The following USP49 variants were observed in gnomAD, a reference collection of about 807,000 sequenced individuals.
USP49 encodes the protein ubiquitin carboxyl-terminal hydrolase 49.
In USP49, 24 loss-of-function variants were observed where a neutral mutation model predicts 58.6. The observed-to-expected ratio is 0.41, with a 90% CI of 0.30 to 0.58. The LOEUF (loss-of-function observed/expected upper bound fraction) is 0.58, where lower values mean the gene tolerates loss of function less well. USP49 is among the 20% of genes least tolerant of loss of function. USP49 has a pLI of 0.30. For missense variants in USP49, 703 were observed against 866.1 expected, an observed-to-expected ratio of 0.81 and a Z score of 2.36; for synonymous variants, 408 against 365.1, an observed-to-expected ratio of 1.12 and a Z score of -1.34.
At chr6:41,796,823 G>C (rs1772894234) in intron 7 of USP49, 100 bp from the exon 8 acceptor site, 1 of 641,250 alleles carries the variant, frequency 1.6e-6, no homozygotes, top group Non-Finnish European at 2.8e-6. Flanking sequence ...GAGAAGTTCT[G>C]AATAGAGCCA....
chr6:41,885,513 G>A (rs1357067783), intron 2 of USP49, among the ~76,000 whole-genome samples: 4 of 152,088 alleles, frequency 2.6e-5, no homozygotes, highest in South Asian at 2.1e-4. Context: ...GAGTGTCAGC[G>A]CACAATCATA....
intron 3 of USP49, among the ~76,000 whole-genome samples, chr6:41,867,776 A>C (rs958130946): frequency 6.6e-5 from 10 of 151,880 alleles, no homozygotes; most frequent in Admixed American, 1.3e-4. Context: ...CAAAAACCAA[A>C]CAAACAAACA....
At chr6:41,885,814 G>T (rs1175710245) in intron 2 of USP49, among the ~76,000 whole-genome samples, 3 of 151,936 alleles carry the variant, frequency 2.0e-5, no homozygotes, top group African/African-American at 7.3e-5. Flanking sequence ...AAAAGAGAGA[G>T]TCTCCCACCT....
At chr6:41,816,849 C>T (rs983491079) in intron 3 of USP49, among the ~76,000 whole-genome samples, 5 of 151,840 alleles carry the variant, frequency 3.3e-5, no homozygotes, top group Middle Eastern at 6.8e-3. Flanking sequence ...GAAGCACAGG[C>T]GCGCACCACC....
At chr6:41,835,558 C>CA (rs1160955658) in intron 3 of USP49, among the ~76,000 whole-genome samples, 1 of 151,512 alleles carries the variant, frequency 6.6e-6, no homozygotes, top group African/African-American at 2.4e-5. Flanking sequence ...CAAAAAAATA[C>CA]AAAAAATTAG....
At chr6:41,817,309 A>T (rs1773372486) in intron 3 of USP49, among the ~76,000 whole-genome samples, 2 of 142,618 alleles carry the variant, frequency 1.4e-5, no homozygotes, top group Admixed American at 1.4e-4. Flanking sequence ...CACCATGCCC[A>T]GCTAATTTTT....
chr6:41,805,268 T>C (rs546090038), intron 4 of USP49, among the ~76,000 whole-genome samples: 2 of 152,172 alleles, frequency 1.3e-5, no homozygotes, highest in African/African-American at 4.8e-5. Context: ...GGAACCAGGG[T>C]TACAAGCAAA....
At chr6:41,831,369 AAC>A (rs1235968888) in intron 3 of USP49, among the ~76,000 whole-genome samples, 1 of 152,038 alleles carries the variant, frequency 6.6e-6, no homozygotes, top group Non-Finnish European at 1.5e-5. Flanking sequence ...CAGCCTGGGC[AAC>A]AGAGCGAGAC....
intron 1 of USP49, among the ~76,000 whole-genome samples, chr6:41,893,380 G>A (rs1279546284): frequency 6.6e-6 from 1 of 152,162 alleles, no homozygotes; most frequent in East Asian, 1.9e-4. Flanking sequence ...TCTCTGAAAT[G>A]ATTTCTTAAC....
At chr6:41,860,901 C>G (rs1450657390) in intron 3 of USP49, among the ~76,000 whole-genome samples, 1 of 152,102 alleles carries the variant, frequency 6.6e-6, no homozygotes, top group East Asian at 1.9e-4. Flanking sequence ...GAGGCCGAGA[C>G]AGGCAGATTG....
intron 3 of USP49, among the ~76,000 whole-genome samples, chr6:41,843,268 C>T (rs1296813146): frequency 6.6e-6 from 1 of 152,174 alleles, no homozygotes; most frequent in Admixed American, 6.6e-5. Flanking sequence ...CACTGTGCTA[C>T]ATATTTCATC....
At chr6:41,839,129 T>C (rs1773776502) in intron 3 of USP49, among the ~76,000 whole-genome samples, 1 of 151,998 alleles carries the variant, frequency 6.6e-6, no homozygotes, top group South Asian at 2.1e-4. Flanking sequence ...GAAAGAGTCC[T>C]GGTGTGGTGG....
chr6:41,794,768 C>G lies in USP49; in HGVS notation c.*1765G>C, dbSNP rs1032662073. The G allele has an allele frequency of 3.3e-5, 5 of 152,222 alleles. No homozygotes were observed. Among genetic ancestry groups the G allele is most frequent in the African/African-American group, 1.2e-4 (5 of 41,454 alleles). 9.4% of individuals were successfully genotyped at this position (152,222 alleles called of 1,614,324 possible). On this transcript the variant is annotated 3_prime_UTR_variant, in exon 8 of 8. Coordinates refer to ENST00000682992, the MANE Select transcript of USP49 (RefSeq NM_001286554.2). ...ACCAAACAGCATAAAAAATGCCATA[C>G]GCTATCGCTTCCAAATAAAAGCTAA...
At position 41,833,867 on chromosome 6, in the gene USP49, T is replaced by G. The variant is rs759013782; in HGVS notation, c.-28-26856A>C. 2.6e-5 allele frequency among the ~76,000 whole-genome samples: 4 copies of G among 152,334 alleles called. No homozygotes were observed. In the East Asian group the frequency reaches 7.7e-4, roughly 29 times the overall value. On this transcript the variant is annotated intron_variant, in intron 3 of 7. Coordinates refer to ENST00000682992, the MANE Select transcript of USP49 (RefSeq NM_001286554.2). ...ACTATTCAGCATGTGATTTCAAATCTGTCTTGGCAGTTTATCTACGAAGCT... is the reference window on the plus strand; with the variant it reads ...ACTATTCAGCATGTGATTTCAAATCGGTCTTGGCAGTTTATCTACGAAGCT...
chr6:41,833,552 G>A (rs978508519), intron 3 of USP49, among the ~76,000 whole-genome samples: 25 of 152,046 alleles, frequency 1.6e-4, no homozygotes, highest in African/African-American at 3.4e-4. Flanking sequence ...TTCCATACTC[G>A]AACAATTTTT....
chr6:41,841,261 T>C (rs376885327), intron 3 of USP49, among the ~76,000 whole-genome samples: 19 of 152,064 alleles, frequency 1.2e-4, no homozygotes, highest in African/African-American at 4.1e-4. Context: ...AGAAAATAAT[T>C]TGGATATCTA....
intron 3 of USP49, among the ~76,000 whole-genome samples, chr6:41,817,167 T>TTTTTTTTTTTTTTA (rs60908132): frequency 1.5e-5 from 2 of 135,538 alleles, no homozygotes; most frequent in African/African-American, 6.1e-5. Context: ...TTTTTTTTTT[T>TTTTTTTTTTTTTTA]GAGACAGAGT....
chr6:41,837,278 C>T (rs774399333), intron 3 of USP49, among the ~76,000 whole-genome samples: 1 of 152,092 alleles, frequency 6.6e-6, no homozygotes, highest in African/African-American at 2.4e-5. Context: ...TCCAATGGAA[C>T]AGAATAGAGA....
Position 41,790,968 on chromosome 6 carries a change from T to C in USP49, c.*5565A>G, listed in dbSNP as rs1297339894. Reference sequence around the variant, plus strand: ...AACTTTTAAGCCATAGTATAGATGCTAACCCCCATTTAGACCTGCATCAGA... The same window carrying C: ...AACTTTTAAGCCATAGTATAGATGCCAACCCCCATTTAGACCTGCATCAGA... On this transcript the variant is annotated 3_prime_UTR_variant, in exon 8 of 8. Transcript: ENST00000682992. The C allele has an allele frequency of 6.6e-6, 1 of 152,200 alleles. No homozygotes were observed. Among genetic ancestry groups the C allele is most frequent in the Non-Finnish European group, 1.5e-5 (1 of 68,038 alleles). The allele number at this position is 152,200 out of a possible 1,614,324, so 9.4% of individuals were successfully genotyped here.
Sources: allele counts gnomAD v4.1 joint callset (sites outside exome capture counted in the v4.1 genomes callset), GRCh38; gene constraint gnomAD v4.1.1; transcripts MANE v1.5; gene names NCBI Gene and HGNC (gene_info 2026-07-23, HGNC 2026-07-21).